Variants in EPRS1 observed in about 807,000 individuals in gnomAD.
EPRS1 encodes glutamyl-prolyl-tRNA synthetase 1, also known as bifunctional glutamate/proline--tRNA ligase.
In EPRS1, 107 loss-of-function variants were observed where a neutral mutation model predicts 188.3. That is an observed-to-expected ratio of 0.57 (90% CI 0.49 to 0.67). The LOEUF (loss-of-function observed/expected upper bound fraction) is 0.67. Ranked by LOEUF, EPRS1 falls within the 30% of genes least tolerant of loss-of-function variation. The pLI is 0.00. For synonymous variants in EPRS1, 596 were observed against 593.1 expected, an observed-to-expected ratio of 1.00 and a Z score of -0.07; for missense variants, 1,577 against 1,802.2, an observed-to-expected ratio of 0.88 and a Z score of 2.26.
chr1:220,018,121 A>G (rs751916768), intron 12 of EPRS1: 5 of 1,325,200 alleles, frequency 3.8e-6, no homozygotes, highest in Non-Finnish European at 4.9e-6. Flanking sequence ...AGCATTAAGT[A>G]ATACCTTCTT....
intron 6 of EPRS1, among the ~76,000 whole-genome samples, chr1:220,026,178 T>C (rs190017830): frequency 9.8e-5 from 15 of 152,334 alleles, no homozygotes; most frequent in African/African-American, 3.4e-4. Context: ...GGTAAACTCA[T>C]GTCACGGAGA....
rs1210724630 is a variant in EPRS1, at chr1:220,007,194, G to T, written c.1742+8C>A. 1.2e-6 allele frequency: 2 copies of T among 1,603,038 alleles called. No individual in the cohort carries two copies. ...ATGTTTATTTGAAAACAAACAAAAAGTTCTTACTTGTGTATTTTTGTAATG... is the reference window on the plus strand; with the variant it reads ...ATGTTTATTTGAAAACAAACAAAAATTTCTTACTTGTGTATTTTTGTAATG... On this transcript the variant is annotated splice_region_variant and intron_variant, in intron 14 of 31. Coordinates refer to ENST00000366923, the MANE Select transcript of EPRS1 (RefSeq NM_004446.3).
intron 17 of EPRS1, 138 bp downstream of exon 17, chr1:220,001,000 C>T (rs530481076): frequency 1.5e-6 from 1 of 652,786 alleles, no homozygotes; most frequent in Admixed American, 2.6e-5. Flanking sequence ...AGGATAACAA[C>T]AAAATGCAAA....
Position 220,022,420 on chromosome 1 carries a change from T to C in EPRS1, c.1042A>G (p.Asn348Asp), listed in dbSNP as rs764796744. ...LRAKIDMSSN[N>D]GCMRDPTLYR... ...AGGGTTGGATCTCTCATGCATCCAT[T>C]GTTACTACTCATGTCAATTTTTGCT... Residue 348 changes from asparagine (N) to aspartate (D), a missense_variant, in exon 9 of 32, where the codon AAT (asparagine) becomes GAT (aspartate). Asn to Asp is a conservative substitution (Grantham distance 23). Around this residue, in one of 3 missense-constraint regions of EPRS1, gnomAD observed 1,278 missense variants for 1,457.4 expected, o/e 0.88. Coordinates refer to ENST00000366923, the MANE Select transcript of EPRS1 (RefSeq NM_004446.3). 39 of 1,614,056 alleles carry C rather than the reference T, an allele frequency of 2.4e-5. No homozygotes were observed. Among genetic ancestry groups the C allele is most frequent in the Non-Finnish European group, 3.2e-5 (38 of 1,179,994 alleles).
intron 6 of EPRS1, among the ~76,000 whole-genome samples, chr1:220,028,534 C>A (rs1662028796): frequency 6.6e-6 from 1 of 151,974 alleles, no homozygotes; most frequent in Non-Finnish European, 1.5e-5. Flanking sequence ...TGGGCTTCTG[C>A]CATATGTTAA....
intron 28 of EPRS1, among the ~76,000 whole-genome samples, chr1:219,975,043 C>T (rs1310706717): frequency 6.6e-6 from 1 of 152,050 alleles, no homozygotes; most frequent in Non-Finnish European, 1.5e-5. Context: ...ACAAAAATGC[C>T]TATGTCATAA....
At chr1:219,979,667 T>G in intron 26 of EPRS1, 52 bp from the exon 27 acceptor site, 1 of 1,221,872 alleles carries the variant, frequency 8.2e-7, no homozygotes, top group Non-Finnish European at 1.2e-6. Context: ...TATTATGCCC[T>G]TGAAAATGAT....
chr1:219,983,060 T>G lies in EPRS1; in HGVS notation c.3300+129A>C, dbSNP rs575592643. ...AATGTAACAAAATCATTACTTGCTA[T>G]AAAGGTAGAAACAGAACTTTTTAAT... is the stretch of plus-strand genomic sequence containing the variant. On this transcript the variant is annotated intron_variant, in intron 22 of 31. Coordinates refer to ENST00000366923, the MANE Select transcript of EPRS1 (RefSeq NM_004446.3). 3 of 797,836 alleles carry G rather than the reference T, an allele frequency of 3.8e-6. No homozygotes were observed. In the South Asian group the frequency reaches 5.5e-5, roughly 15 times the overall value. 49.4% of individuals were successfully genotyped at this position (797,836 alleles called of 1,614,324 possible).
chr1:219,995,298 A>T (rs1270479261), intron 18 of EPRS1, among the ~76,000 whole-genome samples: 1 of 152,196 alleles, frequency 6.6e-6, no homozygotes, highest in Admixed American at 6.5e-5. Context: ...TTCATAGTTG[A>T]CTGTCACTCC....
At chr1:219,978,851 AAT>A (rs1483724760) in intron 27 of EPRS1, 132 bp from the exon 28 acceptor site, 2 of 593,658 alleles carry the variant, frequency 3.4e-6, no homozygotes, top group South Asian at 2.6e-5. Flanking sequence ...TCTTATATAT[AAT>A]GTCTACTAAT....
At chr1:220,024,792 A>G (rs955348121) in intron 7 of EPRS1, among the ~76,000 whole-genome samples, 3 of 152,164 alleles carry the variant, frequency 2.0e-5, no homozygotes, top group African/African-American at 7.2e-5. Context: ...AGGCTAGGAA[A>G]CCTTCACATT....
chr1:220,004,036 T>G (rs541902576), intron 16 of EPRS1, among the ~76,000 whole-genome samples: 4 of 152,214 alleles, frequency 2.6e-5, no homozygotes, highest in African/African-American at 9.6e-5. Context: ...ACAACAATGT[T>G]TGTTTGTTTT....
chr1:220,041,297 GT>G (rs1662289316), intron 1 of EPRS1, among the ~76,000 whole-genome samples: 2 of 151,442 alleles, frequency 1.3e-5, no homozygotes, highest in African/African-American at 2.4e-5. Flanking sequence ...GCACCACTGC[GT>G]TCCTGCCTGA....
intron 13 of EPRS1, among the ~76,000 whole-genome samples, chr1:220,010,569 T>C (rs949190074): frequency 1.3e-5 from 2 of 152,222 alleles, no homozygotes; most frequent in African/African-American, 2.4e-5. Flanking sequence ...TCCAGCACTT[T>C]GGGAGGCCGA....
In EPRS1 at chr1:220,034,935, A is replaced by T; in HGVS notation, c.210T>A (p.Ser70=). 1 of 1,596,848 alleles carries T rather than the reference A, an allele frequency of 6.3e-7. No individual in the cohort carries two copies. The highest frequency in any genetic ancestry group is 8.6e-7 in the Non-Finnish European group (1 of 1,164,568). Residue 70 remains serine (S), a synonymous_variant, in exon 3 of 32, where the codon TCT becomes TCA. Transcript: ENST00000366923. ...RVATTAGLYG[S]NLMEHTEIDH... ...TTACCTCAGTATGTTCCATCAGATT[A>T]GAGCCATATAACCCAGCTGTAGTTG...
Position 220,046,446 on chromosome 1 carries a change from G to T in EPRS1, c.-58C>A. The T allele has an allele frequency of 1.9e-6, 3 of 1,607,250 alleles. No homozygotes were observed. Among genetic ancestry groups the T allele is most frequent in the Non-Finnish European group, 2.5e-6 (3 of 1,177,376 alleles). ...GCCTGGCTCGTGCCAGAACTACGGAGGACCCCGCGAAAGGAAGAAGATGCA... is the reference window on the plus strand; with the variant it reads ...GCCTGGCTCGTGCCAGAACTACGGATGACCCCGCGAAAGGAAGAAGATGCA... On this transcript the variant is annotated 5_prime_UTR_variant, in exon 1 of 32. Coordinates refer to ENST00000366923, the MANE Select transcript of EPRS1 (RefSeq NM_004446.3).
intron 2 of EPRS1, among the ~76,000 whole-genome samples, chr1:220,039,955 AC>A (rs1662261732): frequency 6.6e-6 from 1 of 152,164 alleles, no homozygotes; most frequent in African/African-American, 2.4e-5. Context: ...ACACAGTGAT[AC>A]CCCATCTCTA....
chr1:219,991,809 C>A (rs1417240384), intron 18 of EPRS1, among the ~76,000 whole-genome samples: 1 of 152,118 alleles, frequency 6.6e-6, no homozygotes, highest in Admixed American at 6.6e-5. Context: ...TCACAATTTA[C>A]CTGCTATTTT....
In EPRS1 at chr1:220,025,275, T is replaced by C; in HGVS notation, c.624-17A>G. 6.4e-7 allele frequency: 1 copy of C among 1,573,590 alleles called. No individual in the cohort carries two copies. The highest frequency in any genetic ancestry group is 8.6e-7 in the Non-Finnish European group (1 of 1,162,862). The stretch of plus-strand genomic sequence containing the variant: ...TGTAAGTAACTAAAACAAAAACATT[T>C]CACAAAGAAACTCATTAACATGTTT... On this transcript the variant is annotated splice_polypyrimidine_tract_variant and intron_variant, in intron 6 of 31. Transcript: ENST00000366923.
Sources: gnomAD v4.1 joint callset for allele counts (sites outside exome capture counted in the v4.1 genomes callset) on GRCh38, gnomAD v4.1.1 for gene constraint, gnomAD v4.1.1 regional missense constraint, MANE v1.5 for transcripts, NCBI Gene and HGNC (gene_info 2026-07-23, HGNC 2026-07-21) for gene names.